CDKAL1: variants seen among roughly 807,000 people sequenced by gnomAD.
The protein encoded by CDKAL1 is threonylcarbamoyladenosine tRNA methylthiotransferase.
Under a neutral mutation model 68.2 loss-of-function variants are expected in CDKAL1, and 32 were observed. The ratio of observed to expected loss-of-function variants is 0.47; its 90% CI spans 0.35 to 0.63. CDKAL1 has a LOEUF of 0.63. Ranked by LOEUF, CDKAL1 falls within the 30% of genes least tolerant of loss-of-function variation. The probability of loss-of-function intolerance (pLI) is 0.00; values close to 1 mark genes in which losing one functional copy is unlikely to be tolerated. For missense variants in CDKAL1, 606 were observed against 696.7 expected (o/e 0.87, Z 1.47); for synonymous variants, 234 against 244.3 (o/e 0.96, Z 0.39).
chr6:20,981,228 G>A (rs991523464), intron 10 of CDKAL1, among the ~76,000 whole-genome samples: 3 of 152,166 alleles, frequency 2.0e-5, no homozygotes, highest in Non-Finnish European at 4.4e-5. Flanking sequence ...ACACCCAGAT[G>A]GGAGTATTCC....
At chr6:20,698,278 A>AGAAAAGTTGC (rs1771192933) in intron 5 of CDKAL1, among the ~76,000 whole-genome samples, 1 of 152,192 alleles carries the variant, frequency 6.6e-6, no homozygotes, top group Non-Finnish European at 1.5e-5. Flanking sequence ...GAAAAGTTGC[A>AGAAAAGTTGC]AAAAAGTTGC....
intron 4 of CDKAL1, among the ~76,000 whole-genome samples, chr6:20,623,645 A>T (rs1293666287): frequency 6.6e-6 from 1 of 152,076 alleles, no homozygotes; most frequent in Non-Finnish European, 1.5e-5. Flanking sequence ...GTTGGAGGGT[A>T]GTTATTTAAT....
chr6:20,722,956 G>A lies in CDKAL1; in HGVS notation c.372-16563G>A, dbSNP rs998494147. On this transcript the variant is annotated intron_variant, in intron 5 of 15. Coordinates refer to ENST00000274695, the MANE Select transcript of CDKAL1 (RefSeq NM_017774.3). ...CCACCTCCACTTTCTGCTGAGAGCT[G>A]TTTTCATTGCTCAATAAAATTTTCC... Among the ~76,000 whole-genome samples the A allele has an allele frequency of 4.6e-5, 7 of 152,064 alleles. No homozygotes were observed. In the East Asian group the frequency reaches 1.2e-3, roughly 25 times the overall value.
At chr6:21,062,335 C>G (rs9465957) in intron 11 of CDKAL1, among the ~76,000 whole-genome samples, 40,453 of 151,810 alleles carry the variant, frequency 0.27, 5,560 homozygotes, top group South Asian at 0.35. Context: ...AGCTGTAGAC[C>G]TTTTGATAAG....
chr6:20,664,595 C>T (rs1282817960), intron 5 of CDKAL1, among the ~76,000 whole-genome samples: 1 of 152,062 alleles, frequency 6.6e-6, no homozygotes. Flanking sequence ...TTCAGTCATC[C>T]ATGGTTGAAA....
At chr6:20,773,916 C>A (rs369615697) in intron 7 of CDKAL1, among the ~76,000 whole-genome samples, 2 of 152,162 alleles carry the variant, frequency 1.3e-5, no homozygotes, top group Admixed American at 6.5e-5. Context: ...TGCCCTCTGC[C>A]CCCATCATCG....
At chr6:21,172,036 A>G (rs1777407654) in intron 13 of CDKAL1, among the ~76,000 whole-genome samples, 1 of 152,180 alleles carries the variant, frequency 6.6e-6, no homozygotes, top group Non-Finnish European at 1.5e-5. Flanking sequence ...CTTCCTCTCC[A>G]AAAAATGAAC....
At chr6:20,949,801 A>G (rs1764433482) in intron 9 of CDKAL1, among the ~76,000 whole-genome samples, 1 of 151,948 alleles carries the variant, frequency 6.6e-6, no homozygotes, top group Non-Finnish European at 1.5e-5. Flanking sequence ...CTGAAGAAGT[A>G]TTTCTTGAGA....
At chr6:20,563,149 G>A (rs1190105530) in intron 4 of CDKAL1, among the ~76,000 whole-genome samples, 1 of 152,188 alleles carries the variant, frequency 6.6e-6, no homozygotes, top group East Asian at 1.9e-4. Flanking sequence ...AAGAACTAAT[G>A]ATTGCAGTTT....
chr6:21,205,745 A>G (rs904595858), intron 15 of CDKAL1, among the ~76,000 whole-genome samples: 2 of 143,718 alleles, frequency 1.4e-5, no homozygotes, highest in East Asian at 4.5e-4. Context: ...GTTAGCCAGG[A>G]TGGTCTCGAT....
At chr6:20,957,741 C>T (rs530708479) in intron 10 of CDKAL1, among the ~76,000 whole-genome samples, 3 of 152,028 alleles carry the variant, frequency 2.0e-5, no homozygotes, top group African/African-American at 4.8e-5. Flanking sequence ...GAGGCCGAGG[C>T]AGGTGGATCA....
At chr6:20,627,009 G>A (rs1240822231) in intron 4 of CDKAL1, among the ~76,000 whole-genome samples, 1 of 152,164 alleles carries the variant, frequency 6.6e-6, no homozygotes, top group Admixed American at 6.5e-5. Context: ...AATACATTCT[G>A]GGTTTGCTGC....
intron 8 of CDKAL1, among the ~76,000 whole-genome samples, chr6:20,844,072 C>T (rs1005937021): frequency 5.3e-5 from 8 of 151,966 alleles, no homozygotes; most frequent in Non-Finnish European, 7.4e-5. Flanking sequence ...GTGTCAAGTC[C>T]GATGAAGTGA....
intron 13 of CDKAL1, among the ~76,000 whole-genome samples, chr6:21,176,168 G>A (rs2151080666): frequency 6.6e-6 from 1 of 152,336 alleles, no homozygotes; most frequent in East Asian, 1.9e-4. Context: ...TTTTCCTGTT[G>A]TACATCCTTA....
intron 7 of CDKAL1, among the ~76,000 whole-genome samples, chr6:20,777,649 G>A (rs186553405): frequency 1.1e-4 from 17 of 152,060 alleles, no homozygotes; most frequent in Admixed American, 2.0e-4. Flanking sequence ...ATACAATTAC[G>A]TAAAAAACAA....
intron 13 of CDKAL1, among the ~76,000 whole-genome samples, chr6:21,134,412 A>G (rs780701716): frequency 1.3e-5 from 2 of 152,204 alleles, no homozygotes; most frequent in Non-Finnish European, 2.9e-5. Flanking sequence ...TTAAAACCAT[A>G]ACTTCATAAA....
At chr6:21,083,151 C>T (rs1772502807) in intron 12 of CDKAL1, among the ~76,000 whole-genome samples, 1 of 152,132 alleles carries the variant, frequency 6.6e-6, no homozygotes, top group African/African-American at 2.4e-5. Flanking sequence ...CAGGTGTGAG[C>T]CACCATGCCC....
chr6:20,946,076 T>C (rs1011985389), intron 9 of CDKAL1, among the ~76,000 whole-genome samples: 3 of 152,214 alleles, frequency 2.0e-5, no homozygotes, highest in Admixed American at 6.5e-5. Context: ...AAGTATAATA[T>C]ACATATTGCA....
intron 9 of CDKAL1, among the ~76,000 whole-genome samples, chr6:20,950,282 G>A (rs963618824): frequency 6.6e-6 from 1 of 151,774 alleles, no homozygotes. Flanking sequence ...GTGCCACCAC[G>A]CCCGGCTAAT....
Sources: allele counts gnomAD v4.1 joint callset (sites outside exome capture counted in the v4.1 genomes callset), GRCh38; gene constraint gnomAD v4.1.1; transcripts MANE v1.5; gene names NCBI Gene and HGNC (gene_info 2026-07-23, HGNC 2026-07-21).